The following COL4A1 variants were observed in gnomAD, a reference collection of about 807,000 sequenced individuals.
COL4A1 encodes the protein collagen type IV alpha 1 chain, also known as collagen alpha-1(IV) chain.
Under a neutral mutation model 216.6 loss-of-function variants are expected in COL4A1, and 40 were observed. That is an observed-to-expected ratio of 0.18 (90% CI 0.14 to 0.24). The LOEUF (loss-of-function observed/expected upper bound fraction) is 0.24, where lower values mean the gene tolerates loss of function less well. Ranked by LOEUF, COL4A1 falls within the 10% of genes least tolerant of loss-of-function variation. The probability of loss-of-function intolerance (pLI) is 1.00; values close to 1 mark genes in which losing one functional copy is unlikely to be tolerated. For synonymous variants in COL4A1, 839 were observed against 810.7 expected (o/e 1.03, Z -0.59); for missense variants, 1,628 against 2,196.8 (o/e 0.74, Z 5.18).
chr13:110,233,543 C>A (rs899484662), intron 2 of COL4A1, among the ~76,000 whole-genome samples: 1 of 151,976 alleles, frequency 6.6e-6, no homozygotes, highest in East Asian at 1.9e-4. Flanking sequence ...CAAGGCTGGC[C>A]GATGGGAGGG....
chr13:110,162,433 C>T lies in COL4A1; in HGVS notation c.4259G>A (p.Gly1420Glu). ...MGPAGPTGPR[G>E]FPGPPGPDGL... ...ATCGGGGCCTGGTGGACCTGGAAAT[C>T]CTCTTGGACCTGGAAGATAGGAGAC... Residue 1420 changes from glycine to glutamate, a missense_variant, in exon 48 of 52, where the codon GGA (glycine) becomes GAA (glutamate). By Grantham distance (98) the Gly-to-Glu change is moderately conservative. This residue lies in a region of COL4A1 where 23 missense variants were observed against 55.3 expected (regional missense o/e 0.42). Coordinates refer to ENST00000375820, the MANE Select transcript of COL4A1 (RefSeq NM_001845.6). 6.2e-7 allele frequency: 1 copy of T among 1,613,852 alleles called. No individual in the cohort carries two copies. Among genetic ancestry groups the T allele is most frequent in the Non-Finnish European group, 8.5e-7 (1 of 1,179,808 alleles).
intron 1 of COL4A1, among the ~76,000 whole-genome samples, chr13:110,306,627 A>C (rs2139330949): frequency 6.6e-6 from 1 of 151,998 alleles, no homozygotes; most frequent in Non-Finnish European, 1.5e-5. Context: ...TGCCGAGCAT[A>C]CCCGCGACGC....
intron 46 of COL4A1, 124 bp downstream of exon 46, chr13:110,164,738 A>G: frequency 7.2e-7 from 1 of 1,388,890 alleles, no homozygotes; most frequent in Non-Finnish European, 9.6e-7. Context: ...TAAGAAACTC[A>G]TATTCATATG....
At chr13:110,252,704 A>ATATATACATATAAT (rs1297055631) in intron 1 of COL4A1, among the ~76,000 whole-genome samples, 6 of 141,332 alleles carry the variant, frequency 4.2e-5, no homozygotes, top group South Asian at 2.2e-4. Flanking sequence ...AATTATATGT[A>ATATATACATATAAT]TATATGTATT....
intron 18 of COL4A1, among the ~76,000 whole-genome samples, chr13:110,203,123 G>A (rs1330850273): frequency 2.0e-5 from 3 of 151,954 alleles, no homozygotes; most frequent in Non-Finnish European, 4.4e-5. Context: ...TGAGATGGGA[G>A]AATCACTTGA....
At chr13:110,290,241 C>A (rs1884032240) in intron 1 of COL4A1, among the ~76,000 whole-genome samples, 1 of 152,212 alleles carries the variant, frequency 6.6e-6, no homozygotes, top group Non-Finnish European at 1.5e-5. Context: ...CTAAGCTACA[C>A]AGACACACGT....
chr13:110,300,302 T>G (rs1456331120), intron 1 of COL4A1, among the ~76,000 whole-genome samples: 1 of 152,236 alleles, frequency 6.6e-6, no homozygotes, highest in Non-Finnish European at 1.5e-5. Flanking sequence ...CATAGTATTC[T>G]CCTCTGAACG....
intron 1 of COL4A1, among the ~76,000 whole-genome samples, chr13:110,279,343 A>C (rs1374047017): frequency 6.6e-6 from 1 of 152,164 alleles, no homozygotes; most frequent in Non-Finnish European, 1.5e-5. Flanking sequence ...GATGCTTCCC[A>C]GTACTGCTCC....
Position 110,278,421 on chromosome 13 carries a change from T to A in COL4A1, c.84+28523A>T, listed in dbSNP as rs562117584. 2.6e-5 allele frequency among the ~76,000 whole-genome samples: 4 copies of A among 152,342 alleles called. No homozygotes were observed. The East Asian group carries it at 7.7e-4, about 29-fold the overall frequency. On this transcript the variant is annotated intron_variant, in intron 1 of 51. Transcript: ENST00000375820. ...GAAATACCTGCGTATTTTCCCACAA[T>A]TTGAAAGCATTGCATTTCATACAAT...
At chr13:110,196,906 C>A (rs1212719914) in intron 21 of COL4A1, among the ~76,000 whole-genome samples, 1 of 152,096 alleles carries the variant, frequency 6.6e-6, no homozygotes, top group Non-Finnish European at 1.5e-5. Context: ...AATCTTAGTA[C>A]AAATCTCATT....
intron 1 of COL4A1, chr13:110,265,348 C>A (rs1399927278): frequency 2.0e-5 from 3 of 152,210 alleles, no homozygotes; most frequent in African/African-American, 4.8e-5. Flanking sequence ...GGGGTACATT[C>A]TAAATAAAGA....
chr13:110,178,010 G>T, intron 32 of COL4A1, 54 bp downstream of exon 32: 1 of 1,614,000 alleles, frequency 6.2e-7, no homozygotes, highest in African/African-American at 1.3e-5. Flanking sequence ...AAAAGAATAA[G>T]GTGAGGCCCA....
chr13:110,298,097 C>T (rs1266735334), intron 1 of COL4A1, among the ~76,000 whole-genome samples: 4 of 151,762 alleles, frequency 2.6e-5, no homozygotes, highest in Non-Finnish European at 4.4e-5. Context: ...GAGAAAATAT[C>T]TATGATCAAC....
At chr13:110,172,455 C>T (rs1241208621) in intron 41 of COL4A1, among the ~76,000 whole-genome samples, 1 of 152,212 alleles carries the variant, frequency 6.6e-6, no homozygotes, top group Non-Finnish European at 1.5e-5. Flanking sequence ...ACAGGGGTCT[C>T]GCCTCTCTGC....
At chr13:110,216,991 C>T (rs1880116990) in intron 2 of COL4A1, among the ~76,000 whole-genome samples, 1 of 152,128 alleles carries the variant, frequency 6.6e-6, no homozygotes, top group South Asian at 2.1e-4. Flanking sequence ...TCTGTGTATC[C>T]CCAGAGCTTT....
At chr13:110,246,694 G>A (rs613430) in intron 1 of COL4A1, among the ~76,000 whole-genome samples, 1 of 152,126 alleles carries the variant, frequency 6.6e-6, no homozygotes, top group African/African-American at 2.4e-5. Flanking sequence ...GCATTCTCCC[G>A]GTGTCTGGAT....
intron 1 of COL4A1, among the ~76,000 whole-genome samples, chr13:110,252,839 A>G (rs530606708): frequency 3.8e-4 from 51 of 133,438 alleles, no homozygotes; most frequent in African/African-American, 1.4e-3. Flanking sequence ...TTACATATAC[A>G]GATAACTATA....
intron 2 of COL4A1, among the ~76,000 whole-genome samples, chr13:110,241,993 AC>A (rs1297641824): frequency 5.9e-5 from 9 of 152,174 alleles, no homozygotes; most frequent in African/African-American, 1.9e-4. Flanking sequence ...TCACAGCCAC[AC>A]CTGGTTTCCA....
At chr13:110,176,379 T>G in intron 36 of COL4A1, 45 bp downstream of exon 36, 1 of 1,281,110 alleles carries the variant, frequency 7.8e-7, no homozygotes, top group Non-Finnish European at 1.1e-6. Flanking sequence ...CCTACCAGTA[T>G]CACACGCACA....
Sources: gnomAD v4.1 joint callset for allele counts (sites outside exome capture counted in the v4.1 genomes callset) on GRCh38, gnomAD v4.1.1 for gene constraint, gnomAD v4.1.1 regional missense constraint, MANE v1.5 for transcripts, NCBI Gene and HGNC (gene_info 2026-07-23, HGNC 2026-07-21) for gene names.